Variants in PVT1 observed in about 807,000 individuals in gnomAD.
PVT1 encodes CXCR4/PVT1 fusion.
At chr8:128,060,904 A>C (rs539315285) in intron 4 of PVT1, among the ~76,000 whole-genome samples, 4 of 135,128 alleles carry the variant, frequency 3.0e-5, no homozygotes, top group Non-Finnish European at 6.2e-5. Context: ...CTAGGCAACT[A>C]CTTTTTTTTT....
chr8:128,013,192 C>T (rs184262896), intron 4 of PVT1, among the ~76,000 whole-genome samples: 11 of 152,258 alleles, frequency 7.2e-5, no homozygotes, highest in African/African-American at 2.6e-4. Flanking sequence ...TTCCCTGTGC[C>T]TCTGTTTCCA....
chr8:128,068,427 C>A (rs756742608), intron 4 of PVT1, among the ~76,000 whole-genome samples: 1 of 152,128 alleles, frequency 6.6e-6, no homozygotes, highest in African/African-American at 2.4e-5. Flanking sequence ...CAGTGATGTT[C>A]ACCAGAAAAT....
intron 3 of PVT1, among the ~76,000 whole-genome samples, chr8:127,907,359 C>T (rs1486631358): frequency 1.3e-5 from 2 of 152,140 alleles, no homozygotes; most frequent in Admixed American, 1.3e-4. Context: ...GGGCTCTGGT[C>T]CCAGATGGAC....
At chr8:128,087,779 G>A (rs150427806) in intron 5 of PVT1, among the ~76,000 whole-genome samples, 2,656 of 127,028 alleles carry the variant, frequency 0.021, 97 homozygotes, top group African/African-American at 0.081. Context: ...TTGAGATGGA[G>A]TCTCGTTCTG....
At chr8:128,088,892 A>G (rs1814312103) in intron 5 of PVT1, among the ~76,000 whole-genome samples, 1 of 152,226 alleles carries the variant, frequency 6.6e-6, no homozygotes, top group Non-Finnish European at 1.5e-5. Context: ...CTCTGCAGTG[A>G]GCTCAGAGGA....
chr8:127,914,321 G>C (rs1356788482), intron 3 of PVT1, among the ~76,000 whole-genome samples: 1 of 133,618 alleles, frequency 7.5e-6, no homozygotes, highest in African/African-American at 2.7e-5. Context: ...AGCAAGTGTT[G>C]GTGAGGATGT....
At chr8:128,081,016 C>CTA (rs1814170188) in intron 5 of PVT1, among the ~76,000 whole-genome samples, 1 of 152,164 alleles carries the variant, frequency 6.6e-6, no homozygotes, top group African/African-American at 2.4e-5. Context: ...GGTCAGTTGA[C>CTA]TATATATATG....
intron 1 of PVT1, among the ~76,000 whole-genome samples, chr8:127,795,338 T>C (rs1254618586): frequency 2.0e-5 from 3 of 152,228 alleles, no homozygotes; most frequent in Non-Finnish European, 4.4e-5. Context: ...TGCCAGTGTT[T>C]GTGGTTCTGG....
intron 3 of PVT1, among the ~76,000 whole-genome samples, chr8:127,978,673 A>G (rs1816849637): frequency 6.6e-6 from 1 of 152,112 alleles, no homozygotes; most frequent in Admixed American, 6.6e-5. Context: ...TTTAGTAGAG[A>G]TGAGGTTTCA....
At chr8:127,926,934 T>G (rs1816137115) in intron 3 of PVT1, among the ~76,000 whole-genome samples, 1 of 152,308 alleles carries the variant, frequency 6.6e-6, no homozygotes, top group South Asian at 2.1e-4. Flanking sequence ...AGGTCTGCAT[T>G]GAATCACAGC....
chr8:127,822,094 A>T (rs979482079), intron 2 of PVT1, among the ~76,000 whole-genome samples: 1 of 152,220 alleles, frequency 6.6e-6, no homozygotes, highest in African/African-American at 2.4e-5. Flanking sequence ...TGCATGCTTC[A>T]TAGAGCTGTT....
intron 2 of PVT1, among the ~76,000 whole-genome samples, chr8:127,860,793 C>T (rs1299800535): frequency 7.7e-6 from 1 of 130,244 alleles, no homozygotes; most frequent in Non-Finnish European, 1.8e-5. Context: ...AAGGAGAAGA[C>T]AAGGCGACAA....
chr8:127,930,296 A>G (rs1816189079), intron 3 of PVT1, among the ~76,000 whole-genome samples: 1 of 152,162 alleles, frequency 6.6e-6, no homozygotes, highest in Non-Finnish European at 1.5e-5. Context: ...AGCTGGGATT[A>G]CAGGCATGCG....
chr8:127,807,581 C>T (rs974446113), intron 2 of PVT1, among the ~76,000 whole-genome samples: 6 of 152,114 alleles, frequency 3.9e-5, no homozygotes, highest in African/African-American at 1.4e-4. Flanking sequence ...CCCAGTTCTC[C>T]CAAAGTGCTG....
chr8:127,966,891 T>C (rs1439040065), intron 3 of PVT1, among the ~76,000 whole-genome samples: 1 of 152,102 alleles, frequency 6.6e-6, no homozygotes, highest in African/African-American at 2.4e-5. Context: ...ATGCCTTTCT[T>C]TTTTTCTTCC....
intron 2 of PVT1, among the ~76,000 whole-genome samples, chr8:127,886,889 T>C (rs1815529367): frequency 6.6e-6 from 1 of 152,224 alleles, no homozygotes; most frequent in African/African-American, 2.4e-5. Context: ...TTATAAATTA[T>C]ATCACAGACA....
At position 128,044,011 on chromosome 8, in the gene PVT1, A is replaced by ATTTTTTTT. The variant is rs66807418; in HGVS notation, n.913-26146_913-26145insTTTTTTTT. On this transcript the variant is annotated intron_variant and non_coding_transcript_variant, in intron 4 of 10. Transcript: ENST00000651587. ...CCGGTTAATTTTTTTATTATTATTTATTTATTTTTTTTTTTTTTTGTAGAG... is the reference window on the plus strand; with the variant it reads ...CCGGTTAATTTTTTTATTATTATTTATTTTTTTTTTTATTTTTTTTTTTTTTTGTAGAG... 4.6e-4 allele frequency among the ~76,000 whole-genome samples: 45 copies of ATTTTTTTT among 97,938 alleles called. 1 individual carries two copies. The highest frequency in any genetic ancestry group is 1.2e-3 in the African/African-American group (35 of 29,686). The allele number at this position is 97,938 out of a possible 152,430, so 64.3% of individuals were successfully genotyped here.
At chr8:128,060,359 C>T (rs539450644) in intron 4 of PVT1, among the ~76,000 whole-genome samples, 86 of 152,308 alleles carry the variant, frequency 5.6e-4, no homozygotes, top group Admixed American at 1.0e-3. Context: ...ACCTGCTAAA[C>T]GCAGGGCCAG....
At chr8:127,962,014 G>A (rs182010766) in intron 3 of PVT1, among the ~76,000 whole-genome samples, 53 of 152,324 alleles carry the variant, frequency 3.5e-4, no homozygotes, top group Admixed American at 1.2e-3. Flanking sequence ...TCGCTCTGTC[G>A]CCTAGGCTGG....
Sources: allele counts gnomAD v4.1 joint callset (sites outside exome capture counted in the v4.1 genomes callset), GRCh38; gene constraint gnomAD v4.1.1; transcripts MANE v1.5; gene names NCBI Gene and HGNC (gene_info 2026-07-23, HGNC 2026-07-21).